ELP4: variants seen among roughly 807,000 people sequenced by gnomAD.
The protein encoded by ELP4 is elongator acetyltransferase complex subunit 4.
Under a neutral mutation model 48.9 loss-of-function variants are expected in ELP4, and 51 were observed. The observed-to-expected ratio is 1.04, with a 90% CI of 0.83 to 1.32. ELP4 has a LOEUF of 1.32. Ranked by LOEUF, ELP4 falls within the 40% of genes most tolerant of loss-of-function variation. The probability of loss-of-function intolerance (pLI) is 0.00; values close to 1 mark genes in which losing one functional copy is unlikely to be tolerated. For missense variants in ELP4, 519 were observed against 514.6 expected, an observed-to-expected ratio of 1.01 and a Z score of -0.08; for synonymous variants, 210 against 189.2, an observed-to-expected ratio of 1.11 and a Z score of -0.90.
At position 31,632,364 on chromosome 11, in the gene ELP4, C is replaced by T; in HGVS notation, c.886C>T (p.Leu296Phe). The part of the protein sequence containing the change: ...YVLRGLLRTS[L>F]SACIITMPTH... Reference sequence around the variant, plus strand: ...TCTCCGTGGTCTTCTGAGAACCTCTCTTTCAGCCTGCATCATCACAATGCC... The same window carrying T: ...TCTCCGTGGTCTTCTGAGAACCTCTTTTTCAGCCTGCATCATCACAATGCC... Residue 296 changes from leucine (L) to phenylalanine (F), a missense_variant, in exon 7 of 10, where the codon CTT (leucine) becomes TTT (phenylalanine). By Grantham distance (22) the Leu-to-Phe change is conservative. Coordinates refer to ENST00000640961, the MANE Select transcript of ELP4 (RefSeq NM_019040.5). 6.2e-7 allele frequency: 1 copy of T among 1,612,654 alleles called. No individual in the cohort carries two copies. The highest frequency in any genetic ancestry group is 8.5e-7 in the Non-Finnish European group (1 of 1,179,462).
chr11:31,726,164 G>A (rs1947072052), intron 9 of ELP4, among the ~76,000 whole-genome samples: 1 of 152,122 alleles, frequency 6.6e-6, no homozygotes, highest in South Asian at 2.1e-4. Flanking sequence ...TTTTTCTAAT[G>A]AAAATACAGG....
intron 7 of ELP4, among the ~76,000 whole-genome samples, chr11:31,641,383 T>G (rs1377377323): frequency 6.6e-6 from 1 of 151,816 alleles, no homozygotes; most frequent in Non-Finnish European, 1.5e-5. Flanking sequence ...CAAACATAAT[T>G]CAAAGGCATT....
At position 31,592,006 on chromosome 11, in the gene ELP4, C is replaced by T. The variant is rs150603703; in HGVS notation, c.382-2764C>T. Among the ~76,000 whole-genome samples the T allele has an allele frequency of 2.6e-4, 40 of 152,144 alleles. 1 individual carries two copies. Among genetic ancestry groups the T allele is most frequent in the Admixed American group, 7.9e-4 (12 of 15,276 alleles). ...GAAGGAAGCCAGACACAAAAGGTCA[C>T]GTATTGTATGGTTCCATTTATAGGA... On this transcript the variant is annotated intron_variant, in intron 3 of 9. Coordinates refer to ENST00000640961, the MANE Select transcript of ELP4 (RefSeq NM_019040.5).
intron 9 of ELP4, among the ~76,000 whole-genome samples, chr11:31,772,113 T>C (rs185430622): frequency 2.9e-4 from 40 of 139,542 alleles, no homozygotes; most frequent in Admixed American, 2.3e-3. Context: ...ACCTGAATTA[T>C]TTTCTTCTTT....
At chr11:31,673,417 A>G (rs1945852030) in intron 9 of ELP4, among the ~76,000 whole-genome samples, 2 of 152,064 alleles carry the variant, frequency 1.3e-5, no homozygotes, top group Non-Finnish European at 2.9e-5. Context: ...TGCAGCCTCA[A>G]ATTCCTGGGC....
chr11:31,566,547 C>T lies in ELP4; in HGVS notation c.381+26764C>T, dbSNP rs117946716. Among the ~76,000 whole-genome samples the T allele has an allele frequency of 3.8e-3, 578 of 152,212 alleles. 3 individuals are homozygous for T. In the East Asian group the frequency reaches 0.044, roughly 12 times the overall value. Reference sequence around the variant, plus strand: ...GTTACCAGGTAGTCACATAGGTCTTCGCTGGTTAACTTACTAGCATGATAA... The same window carrying T: ...GTTACCAGGTAGTCACATAGGTCTTTGCTGGTTAACTTACTAGCATGATAA... On this transcript the variant is annotated intron_variant, in intron 3 of 9. Coordinates refer to ENST00000640961, the MANE Select transcript of ELP4 (RefSeq NM_019040.5).
At chr11:31,751,879 C>T (rs1279802192) in intron 9 of ELP4, among the ~76,000 whole-genome samples, 1 of 152,106 alleles carries the variant, frequency 6.6e-6, no homozygotes, top group Non-Finnish European at 1.5e-5. Flanking sequence ...GTCAATGCTA[C>T]CCTTTACAAT....
At position 31,789,896 on chromosome 11, in the gene ELP4, CA is replaced by C. The variant is rs772347211; in HGVS notation, c.*6373del. ...TCCCCATAGTCACTGACTGAATTAA[CA>C]CAATATTTCCTTTCCTTTTTTTTTT... On this transcript the variant is annotated 3_prime_UTR_variant, in exon 10 of 10. Coordinates refer to ENST00000640961, the MANE Select transcript of ELP4 (RefSeq NM_019040.5). The C allele has an allele frequency of 6.5e-7, 1 of 1,537,202 alleles. No individual in the cohort carries two copies. Among genetic ancestry groups the C allele is most frequent in the Non-Finnish European group, 8.9e-7 (1 of 1,126,662 alleles).
intron 5 of ELP4, 61 bp from the exon 6 acceptor site, chr11:31,627,049 G>C (rs1944759496): frequency 1.1e-6 from 1 of 880,868 alleles, no homozygotes; most frequent in Non-Finnish European, 1.9e-6. Context: ...TTTTATCATA[G>C]ATTGTGTACT....
chr11:31,590,759 A>C (rs942068270), intron 3 of ELP4, among the ~76,000 whole-genome samples: 1 of 152,212 alleles, frequency 6.6e-6, no homozygotes, highest in African/African-American at 2.4e-5. Flanking sequence ...CAGGAGCAAG[A>C]GAGCAAGCAG....
intron 9 of ELP4, among the ~76,000 whole-genome samples, chr11:31,751,878 A>C (rs560682372): frequency 6.6e-6 from 1 of 152,254 alleles, no homozygotes; most frequent in African/African-American, 2.4e-5. Flanking sequence ...TGTCAATGCT[A>C]CCCTTTACAA....
At chr11:31,739,210 C>T (rs1056145734) in intron 9 of ELP4, among the ~76,000 whole-genome samples, 1 of 152,086 alleles carries the variant, frequency 6.6e-6, no homozygotes. Flanking sequence ...AGTGTAGTGA[C>T]ACAATTAAAA....
At chr11:31,710,227 TACACTTTA>T (rs1402478715) in intron 9 of ELP4, among the ~76,000 whole-genome samples, 4 of 152,212 alleles carry the variant, frequency 2.6e-5, no homozygotes, top group African/African-American at 7.2e-5. Flanking sequence ...CTGGAGAAGA[TACACTTTA>T]AATAGGTCTT....
chr11:31,747,626 G>T (rs1470225785), intron 9 of ELP4, among the ~76,000 whole-genome samples: 1 of 152,178 alleles, frequency 6.6e-6, no homozygotes, highest in East Asian at 1.9e-4. Context: ...CCTTCAGACA[G>T]CCAAAACTGA....
intron 9 of ELP4, among the ~76,000 whole-genome samples, chr11:31,759,561 T>C (rs1389366573): frequency 6.6e-6 from 1 of 152,232 alleles, no homozygotes; most frequent in East Asian, 1.9e-4. Flanking sequence ...CTGTGTAATA[T>C]GCATCTTCTC....
intron 9 of ELP4, among the ~76,000 whole-genome samples, chr11:31,706,050 A>G (rs1393621868): frequency 6.6e-6 from 1 of 152,032 alleles, no homozygotes; most frequent in Non-Finnish European, 1.5e-5. Context: ...AAGGATTTCC[A>G]AGGCTGGTCA....
chr11:31,656,144 T>G (rs1945428484), intron 9 of ELP4, among the ~76,000 whole-genome samples: 1 of 152,046 alleles, frequency 6.6e-6, no homozygotes. Context: ...CCTTCCAAGA[T>G]GTGGTTGCAT....
At chr11:31,652,493 A>G (rs1404303695) in intron 9 of ELP4, 2 of 151,758 alleles carry the variant, frequency 1.3e-5, no homozygotes, top group Non-Finnish European at 1.5e-5. Context: ...AGGGGTAGAA[A>G]TGCCCTGAAA....
chr11:31,621,049 C>T (rs1302016190), intron 5 of ELP4, among the ~76,000 whole-genome samples: 4 of 151,850 alleles, frequency 2.6e-5, no homozygotes, highest in Non-Finnish European at 5.9e-5. Flanking sequence ...GAATAAACTT[C>T]ACGGTCTCTA....
Sources: allele counts gnomAD v4.1 joint callset (sites outside exome capture counted in the v4.1 genomes callset), GRCh38; gene constraint gnomAD v4.1.1; transcripts MANE v1.5; gene names NCBI Gene and HGNC (gene_info 2026-07-23, HGNC 2026-07-21).